Variants in FAM120A observed in about 807,000 individuals in gnomAD.
FAM120A encodes constitutive coactivator of PPAR-gamma-like protein 1.
Under a neutral mutation model 109.7 loss-of-function variants are expected in FAM120A, and 15 were observed. The ratio of observed to expected loss-of-function variants is 0.14; its 90% CI spans 0.09 to 0.21. The LOEUF (loss-of-function observed/expected upper bound fraction) is 0.21. FAM120A is among the 10% of genes least tolerant of loss of function. The pLI is 1.00. For missense variants in FAM120A, 899 were observed against 1,439.3 expected (o/e 0.62, Z 6.07); for synonymous variants, 493 against 572.8 (o/e 0.86, Z 1.99).
intron 7 of FAM120A, among the ~76,000 whole-genome samples, chr9:93,517,418 C>T (rs1360606922): frequency 6.6e-6 from 1 of 152,034 alleles, no homozygotes; most frequent in Non-Finnish European, 1.5e-5. Flanking sequence ...TGGTTGGGGC[C>T]CCCAAATTTG....
chr9:93,539,191 G>T (rs572361090), intron 10 of FAM120A, among the ~76,000 whole-genome samples: 1 of 152,176 alleles, frequency 6.6e-6, no homozygotes, highest in East Asian at 1.9e-4. Context: ...TAGAGACGGG[G>T]TTTCACCGTG....
In FAM120A at chr9:93,516,206, A is replaced by G; in HGVS notation, c.1355A>G (p.Tyr452Cys). 2 of 1,613,966 alleles carry G rather than the reference A, an allele frequency of 1.2e-6. No homozygotes were observed. Among genetic ancestry groups the G allele is most frequent in the Non-Finnish European group, 1.7e-6 (2 of 1,179,868 alleles). Reference sequence around the variant, plus strand: ...AGCCCCAACCACGTGGATTCCGCCTACTTCCCTGGCTCTTCTACATCGTCA... The same window carrying G: ...AGCCCCAACCACGTGGATTCCGCCTGCTTCCCTGGCTCTTCTACATCGTCA... ...SGSPNHVDSA[Y>C]FPGSSTSSSS... The change falls in exon 7 of 18, where the codon TAC becomes TGC. Residue 452 changes from tyrosine to cysteine, a missense_variant. This residue lies in a region of FAM120A where 31 missense variants were observed against 71.8 expected (regional missense o/e 0.43). Transcript: ENST00000277165.
intron 5 of FAM120A, among the ~76,000 whole-genome samples, chr9:93,511,861 C>G (rs1393685088): frequency 6.6e-6 from 1 of 152,242 alleles, no homozygotes; most frequent in Non-Finnish European, 1.5e-5. Flanking sequence ...GGCACGATCT[C>G]TGCTGATTAC....
intron 8 of FAM120A, 135 bp downstream of exon 8, chr9:93,527,377 C>T (rs1308740916): frequency 9.0e-6 from 6 of 670,238 alleles, no homozygotes; most frequent in South Asian, 1.9e-5. Flanking sequence ...AGGGGATAAG[C>T]GGGAAAGGAA....
At chr9:93,529,944 A>G (rs1320800311) in intron 9 of FAM120A, 1 of 479,594 alleles carries the variant, frequency 2.1e-6, no homozygotes, top group African/African-American at 2.0e-5. Context: ...CTGATGTCAG[A>G]TACAATATCT....
intron 3 of FAM120A, among the ~76,000 whole-genome samples, chr9:93,481,664 G>C (rs1472165538): frequency 6.6e-6 from 1 of 152,096 alleles, no homozygotes; most frequent in Non-Finnish European, 1.5e-5. Context: ...TCCTTGTCTG[G>C]GACACCCCAG....
intron 10 of FAM120A, among the ~76,000 whole-genome samples, chr9:93,541,473 G>C (rs997995484): frequency 1.3e-5 from 2 of 152,188 alleles, no homozygotes; most frequent in Non-Finnish European, 2.9e-5. Flanking sequence ...GACAGGATAT[G>C]CTTCGTGATG....
Position 93,452,525 on chromosome 9 carries a change from C to G in FAM120A, c.474+136C>G, listed in dbSNP as rs1857298678. ...TCCCCCAGCCCTTGCCCGGGATAGC[C>G]TGGCCGGGCCGGGCTGCAAGATGGA... On this transcript the variant is annotated intron_variant, in intron 1 of 17. Transcript: ENST00000277165. The surrounding 1 kb of genome is among the most constrained non-coding windows in gnomAD (Gnocchi z 7.0). 1.3e-6 allele frequency: 2 copies of G among 1,556,968 alleles called. No homozygotes were observed. The highest frequency in any genetic ancestry group is 1.1e-5 in the South Asian group (1 of 87,872).
At chr9:93,557,573 G>C (rs1862328733) in intron 13 of FAM120A, among the ~76,000 whole-genome samples, 1 of 152,332 alleles carries the variant, frequency 6.6e-6, no homozygotes, top group South Asian at 2.1e-4. Flanking sequence ...GACCTCAGCT[G>C]GGGTCAGTGC....
intron 1 of FAM120A, among the ~76,000 whole-genome samples, chr9:93,458,318 T>G (rs1237546865): frequency 6.6e-6 from 1 of 152,068 alleles, no homozygotes; most frequent in Non-Finnish European, 1.5e-5. Flanking sequence ...TGTCCCCTGC[T>G]TGCCTTCCGC....
intron 2 of FAM120A, among the ~76,000 whole-genome samples, chr9:93,472,853 T>C (rs1025615442): frequency 6.6e-6 from 1 of 152,162 alleles, no homozygotes; most frequent in African/African-American, 2.4e-5. Context: ...GGAGAGTACA[T>C]TTTAAGTCAA....
At chr9:93,475,324 T>G (rs1381783428) in intron 2 of FAM120A, among the ~76,000 whole-genome samples, 1 of 152,232 alleles carries the variant, frequency 6.6e-6, no homozygotes, top group Non-Finnish European at 1.5e-5. Flanking sequence ...TGAAAAAGTT[T>G]CAGATTTTAC....
intron 3 of FAM120A, among the ~76,000 whole-genome samples, chr9:93,480,585 A>G (rs1858756791): frequency 6.6e-6 from 1 of 152,078 alleles, no homozygotes; most frequent in South Asian, 2.1e-4. Flanking sequence ...GATTGGAAAC[A>G]TAAGAGAATC....
intron 10 of FAM120A, among the ~76,000 whole-genome samples, chr9:93,542,699 T>C (rs1861748422): frequency 6.6e-6 from 1 of 152,220 alleles, no homozygotes; most frequent in Non-Finnish European, 1.5e-5. Flanking sequence ...GTCTTAAAAA[T>C]AGAGTTTAAC....
intron 1 of FAM120A, among the ~76,000 whole-genome samples, chr9:93,466,296 A>G (rs1206179095): frequency 6.6e-6 from 1 of 152,024 alleles, no homozygotes; most frequent in East Asian, 1.9e-4. Context: ...TATTTATATC[A>G]TTATGGGCTC....
At chr9:93,465,834 C>T (rs1053012099) in intron 1 of FAM120A, among the ~76,000 whole-genome samples, 28 of 152,322 alleles carry the variant, frequency 1.8e-4, no homozygotes, top group African/African-American at 6.3e-4. Flanking sequence ...TCCTCCATCC[C>T]CTGTCTTCTG....
At chr9:93,501,861 A>C (rs117743974) in intron 5 of FAM120A, among the ~76,000 whole-genome samples, 1,563 of 152,356 alleles carry the variant, frequency 0.01, 15 homozygotes, top group Non-Finnish European at 0.018. Flanking sequence ...CTGAAGAAAC[A>C]TAAATTACAT....
chr9:93,513,314 G>A (rs1244999267), intron 5 of FAM120A, among the ~76,000 whole-genome samples: 3 of 152,226 alleles, frequency 2.0e-5, no homozygotes, highest in Non-Finnish European at 2.9e-5. Context: ...TGTGCCATGC[G>A]TGTGTGTGCG....
At position 93,473,960 on chromosome 9, in the gene FAM120A, A is replaced by G. The variant is rs146873855; in HGVS notation, c.722-2296A>G. 6.0e-3 allele frequency among the ~76,000 whole-genome samples: 912 copies of G among 152,344 alleles called. 5 individuals carry two copies. The highest frequency in any genetic ancestry group is 0.01 in the Admixed American group (158 of 15,304). ...TATGCTCTTAGAATATGGATGCCTT[A>G]GCTCATTTGAAAAATGGAAGAATAC... On this transcript the variant is annotated intron_variant, in intron 2 of 17. Coordinates refer to ENST00000277165, the MANE Select transcript of FAM120A (RefSeq NM_014612.5).
Sources: allele counts gnomAD v4.1 joint callset (sites outside exome capture counted in the v4.1 genomes callset), GRCh38; gene constraint gnomAD v4.1.1; regional missense constraint gnomAD v4.1.1; non-coding constraint Gnocchi (gnomAD v3.1); transcripts MANE v1.5; gene names NCBI Gene and HGNC (gene_info 2026-07-23, HGNC 2026-07-21).